Variants in GRIK1 observed in about 807,000 individuals in gnomAD.
GRIK1 encodes the protein glutamate ionotropic receptor kainate type subunit 1, also known as glutamate receptor ionotropic, kainate 1.
GRIK1 carries 69 observed loss-of-function variants against 105.7 expected under a neutral mutation model. The observed-to-expected ratio is 0.65, with a 90% CI of 0.54 to 0.80. The LOEUF is 0.80. Among genes scored for constraint, GRIK1 ranks in the 30% least tolerant of loss-of-function variants. The pLI, the probability that GRIK1 is intolerant of heterozygous loss-of-function variation, is 0.00. For synonymous variants in GRIK1, 438 were observed against 431.3 expected, an observed-to-expected ratio of 1.02 and a Z score of -0.19; for missense variants, 1,109 against 1,167.3, an observed-to-expected ratio of 0.95 and a Z score of 0.73.
chr21:29,555,156 T>C lies in GRIK1; in HGVS notation c.2503A>G (p.Ile835Val), dbSNP rs1367345214. The C allele has an allele frequency of 1.2e-6, 2 of 1,613,790 alleles. No homozygotes were observed. The highest frequency in any genetic ancestry group is 1.3e-5 in the African/African-American group (1 of 74,880). The change falls in exon 16 of 18, where the codon ATT becomes GTT. Residue 835 changes from isoleucine (I) to valine (V), a missense_variant. Around this residue, in one of 5 missense-constraint regions of GRIK1, gnomAD observed 161 missense variants for 143.4 expected, o/e 1.12. Coordinates refer to ENST00000327783, the MANE Select transcript of GRIK1 (RefSeq NM_001330994.2). ...KEASALGVEN[I>V]GGIFIVLAAG... ...GCCAGAACAATGAAGATGCCTCCAA[T>C]ATTTTCCACTCCCAGGGCACTGGCT...
In GRIK1 at chr21:29,537,900, GA is replaced by G. The variant is rs201052126; in HGVS notation, c.2608-17del. 3.9e-4 allele frequency: 395 copies of G among 1,009,786 alleles called. 1 individual carries two copies. In the East Asian group the frequency reaches 4.3e-3, roughly 11 times the overall value. 62.6% of individuals were successfully genotyped at this position (1,009,786 alleles called of 1,614,324 possible). On this transcript the variant is annotated splice_polypyrimidine_tract_variant and intron_variant, in intron 16 of 17. Transcript: ENST00000327783. Reference sequence around the variant, plus strand: ...ACTTTCCTTTCTGATAAAAAAAAAAGAAAAAAAAACAATTTTAAATTGTACA... The same window carrying G: ...ACTTTCCTTTCTGATAAAAAAAAAAGAAAAAAAACAATTTTAAATTGTACA...
intron 7 of GRIK1, among the ~76,000 whole-genome samples, chr21:29,599,463 CT>C (rs2061477799): frequency 6.6e-6 from 1 of 152,160 alleles, no homozygotes. Context: ...AACGTGGGTG[CT>C]CAAAACAACA....
chr21:29,869,605 GT>G (rs60640439), intron 1 of GRIK1, among the ~76,000 whole-genome samples: 29 of 152,314 alleles, frequency 1.9e-4, no homozygotes, highest in African/African-American at 7.0e-4. Flanking sequence ...ACTTGAGAAA[GT>G]TTTGAGTCTG....
At chr21:29,822,610 G>T (rs2067335977) in intron 1 of GRIK1, among the ~76,000 whole-genome samples, 1 of 151,894 alleles carries the variant, frequency 6.6e-6, no homozygotes, top group South Asian at 2.1e-4. Flanking sequence ...CATCTTCTAG[G>T]AATTATCTAT....
At position 29,572,403 on chromosome 21, in the gene GRIK1, TC is replaced by T. The variant is rs2090772532; in HGVS notation, c.2130+4560del. On this transcript the variant is annotated intron_variant, in intron 14 of 17. Coordinates refer to ENST00000327783, the MANE Select transcript of GRIK1 (RefSeq NM_001330994.2). ...TCTTGTGTGGGTCCCTATGTATCCA[TC>T]CACCTCTCTCCCTCCCTCTTTCCCT... is the stretch of plus-strand genomic sequence containing the variant. 2.6e-5 allele frequency among the ~76,000 whole-genome samples: 4 copies of T among 152,252 alleles called. No individual in the cohort carries two copies. In the South Asian group the frequency reaches 8.3e-4, roughly 32 times the overall value.
At chr21:29,544,158 G>T (rs1215327267) in intron 16 of GRIK1, among the ~76,000 whole-genome samples, 1 of 152,114 alleles carries the variant, frequency 6.6e-6, no homozygotes, top group Admixed American at 6.6e-5. Context: ...GGGTCACAGG[G>T]TTACTCCATG....
At chr21:29,593,331 T>A (rs1301158651) in intron 9 of GRIK1, among the ~76,000 whole-genome samples, 1 of 152,186 alleles carries the variant, frequency 6.6e-6, no homozygotes, top group Non-Finnish European at 1.5e-5. Flanking sequence ...GTGATAAATA[T>A]CACCTAGAAT....
chr21:29,642,719 C>T, intron 7 of GRIK1, 107 bp downstream of exon 7: 1 of 954,420 alleles, frequency 1.0e-6, no homozygotes, highest in Middle Eastern at 2.8e-4. Context: ...GGCTTCCTCT[C>T]TCTTAGGGGC....
At chr21:29,631,248 C>A (rs1421218846) in intron 7 of GRIK1, among the ~76,000 whole-genome samples, 1 of 152,152 alleles carries the variant, frequency 6.6e-6, no homozygotes, top group Admixed American at 6.5e-5. Context: ...TGTACCCCCA[C>A]ATTTATATGT....
chr21:29,609,630 A>G (rs543243702), intron 7 of GRIK1, among the ~76,000 whole-genome samples: 17 of 152,288 alleles, frequency 1.1e-4, no homozygotes, highest in Admixed American at 9.8e-4. Flanking sequence ...TGAAGGAAAG[A>G]GGAAGTTGCT....
chr21:29,867,441 T>C (rs573581098), intron 1 of GRIK1, among the ~76,000 whole-genome samples: 1 of 152,228 alleles, frequency 6.6e-6, no homozygotes, highest in South Asian at 2.1e-4. Flanking sequence ...AGTGTGTACC[T>C]AAGTTACCCC....
In GRIK1 at chr21:29,552,853, G is replaced by T. The variant is rs977303897; in HGVS notation, c.2607+2199C>A. On this transcript the variant is annotated intron_variant, in intron 16 of 17. Transcript: ENST00000327783. The stretch of plus-strand genomic sequence containing the variant: ...GAGAGTTTGAGGTTAATGAATTTCT[G>T]CCCAGGAATTATTCTTGACTGTGTT... Among the ~76,000 whole-genome samples the T allele has an allele frequency of 3.9e-5, 6 of 152,086 alleles. No homozygotes were observed. The East Asian group carries it at 9.6e-4, about 24-fold the overall frequency.
Position 29,653,620 on chromosome 21 carries a change from C to T in GRIK1, c.780+1190G>A, listed in dbSNP as rs555391203. Among the ~76,000 whole-genome samples the T allele has an allele frequency of 7.2e-5, 11 of 152,294 alleles. No homozygotes were observed. In the South Asian group the frequency reaches 8.3e-4, roughly 11 times the overall value. On this transcript the variant is annotated intron_variant, in intron 5 of 17. Transcript: ENST00000327783. ...CCTTGAGTAACCCTCAGGTGTTCTT[C>T]GTGATGGGAAGAACCATATTTGTAA...
chr21:29,797,780 C>A (rs549305994), intron 1 of GRIK1, among the ~76,000 whole-genome samples: 1 of 152,284 alleles, frequency 6.6e-6, no homozygotes, highest in African/African-American at 2.4e-5. Flanking sequence ...TTTTCTTTAA[C>A]AATGTCCCGC....
At chr21:29,553,094 G>A (rs2090162590) in intron 16 of GRIK1, 1 of 287,488 alleles carries the variant, frequency 3.5e-6, no homozygotes, top group Non-Finnish European at 5.1e-6. Flanking sequence ...GAAAAGGTAA[G>A]GGTTTTGGGT....
intron 14 of GRIK1, among the ~76,000 whole-genome samples, chr21:29,574,702 T>C (rs1045683557): frequency 6.9e-6 from 1 of 145,426 alleles, no homozygotes; most frequent in African/African-American, 2.5e-5. Context: ...TTTTTTTTTT[T>C]TTTGAGACGG....
chr21:29,542,741 T>TTA (rs1256367388), intron 16 of GRIK1, among the ~76,000 whole-genome samples: 3 of 152,236 alleles, frequency 2.0e-5, no homozygotes, highest in Non-Finnish European at 4.4e-5. Context: ...CTTTGGATGC[T>TTA]TATACCCTTG....
chr21:29,897,477 G>C (rs976693276), intron 1 of GRIK1, among the ~76,000 whole-genome samples: 1 of 152,146 alleles, frequency 6.6e-6, no homozygotes, highest in Non-Finnish European at 1.5e-5. Flanking sequence ...TCCTCTATAG[G>C]TCAGGCTCAC....
At position 29,734,345 on chromosome 21, in the gene GRIK1, A is replaced by ACTTTT. The variant is rs541782706; in HGVS notation, c.119-40287_119-40283dup. On this transcript the variant is annotated intron_variant, in intron 1 of 17. Coordinates refer to ENST00000327783, the MANE Select transcript of GRIK1 (RefSeq NM_001330994.2). ...TTTAATGGATATACTGGATCATAGC[A>ACTTTT]CTTTTCTTTTCTTTTCTTTTCTTTT... 5.8e-3 allele frequency among the ~76,000 whole-genome samples: 785 copies of ACTTTT among 135,240 alleles called. 27 individuals are homozygous for ACTTTT. The highest frequency in any genetic ancestry group is 0.024 in the African/African-American group (739 of 30,468). The allele number at this position is 135,240 out of a possible 152,430, so 88.7% of individuals were successfully genotyped here. A position where few individuals can be genotyped will look rare whatever the true frequency, so the allele number is the denominator to read the frequency against.
Sources: allele counts gnomAD v4.1 joint callset (sites outside exome capture counted in the v4.1 genomes callset), GRCh38; gene constraint gnomAD v4.1.1; regional missense constraint gnomAD v4.1.1; transcripts MANE v1.5; gene names NCBI Gene and HGNC (gene_info 2026-07-23, HGNC 2026-07-21).